Variants in COG2 observed in about 807,000 individuals in gnomAD.
COG2 encodes the protein conserved oligomeric Golgi complex subunit 2.
In COG2, 52 loss-of-function variants were observed where a neutral mutation model predicts 90.6. That is an observed-to-expected ratio of 0.57 (90% CI 0.46 to 0.72). The LOEUF is 0.72. Among genes scored for constraint, COG2 ranks in the 30% least tolerant of loss-of-function variants. The probability of loss-of-function intolerance (pLI) is 0.00; values close to 1 mark genes in which losing one functional copy is unlikely to be tolerated. For synonymous variants in COG2, 337 were observed against 320.4 expected (o/e 1.05, Z -0.55); for missense variants, 829 against 891.2 (o/e 0.93, Z 0.89).
At chr1:230,657,911 T>C (rs1488087585) in intron 1 of COG2, among the ~76,000 whole-genome samples, 1 of 152,104 alleles carries the variant, frequency 6.6e-6, no homozygotes, top group African/African-American at 2.4e-5. Flanking sequence ...GTTTTTCAGC[T>C]CCGTCAGGTC....
intron 16 of COG2, among the ~76,000 whole-genome samples, chr1:230,690,686 T>C (rs1321754305): frequency 6.6e-6 from 1 of 152,228 alleles, no homozygotes; most frequent in African/African-American, 2.4e-5. Context: ...AGTGTGTTAC[T>C]CAATTTTGTT....
At chr1:230,651,044 A>G (rs779738623) in intron 1 of COG2, among the ~76,000 whole-genome samples, 21 of 152,154 alleles carry the variant, frequency 1.4e-4, no homozygotes, top group South Asian at 6.2e-4. Context: ...CTTTCCACCT[A>G]TAGTTTATTT....
At chr1:230,674,204 C>T (rs1300882320) in intron 8 of COG2, among the ~76,000 whole-genome samples, 1 of 152,184 alleles carries the variant, frequency 6.6e-6, no homozygotes, top group Non-Finnish European at 1.5e-5. Context: ...ATCCTAAGTA[C>T]TTTACAAATA....
chr1:230,665,151 T>C (rs900312028), intron 5 of COG2, among the ~76,000 whole-genome samples: 1 of 152,306 alleles, frequency 6.6e-6, no homozygotes, highest in Middle Eastern at 3.4e-3. Flanking sequence ...AGAAAATGAA[T>C]TGAATGGATC....
At chr1:230,687,156 TC>T (rs1277528029) in intron 13 of COG2, 24 bp downstream of exon 13, 1 of 1,590,542 alleles carries the variant, frequency 6.3e-7, no homozygotes, top group East Asian at 2.2e-5. Flanking sequence ...CCAGAATAAT[TC>T]CAGGTGCTTG....
chr1:230,691,939 AC>A (rs1236852564), intron 17 of COG2: 2 of 179,388 alleles, frequency 1.1e-5, no homozygotes, highest in African/African-American at 2.4e-5. Flanking sequence ...TGAAAGCATT[AC>A]CCCTCTATGG....
chr1:230,693,389 C>G lies in COG2; in HGVS notation c.2213C>G (p.Pro738Arg). The G allele has an allele frequency of 6.2e-7, 1 of 1,601,378 alleles. No individual in the cohort carries two copies. Among genetic ancestry groups the G allele is most frequent in the Non-Finnish European group, 8.5e-7 (1 of 1,170,934 alleles). Residue 738 changes from proline to arginine, a missense_variant, in exon 18 of 18, where the codon CCT becomes CGT. By Grantham distance (103) the Pro-to-Arg change is moderately radical. Coordinates refer to ENST00000366669, the MANE Select transcript of COG2 (RefSeq NM_007357.3). ...AAGGACCAGGCAACAGCAGAGCAGC[C>G]TTAAGCATCTTGGAAGATCCCGAGG... is the stretch of plus-strand genomic sequence containing the variant. ...AAKDQATAEQ[P>R]
chr1:230,676,932 T>C (rs1662614922), intron 9 of COG2, among the ~76,000 whole-genome samples: 1 of 152,204 alleles, frequency 6.6e-6, no homozygotes, highest in South Asian at 2.1e-4. Context: ...ATCTTCTGTG[T>C]GACTTTGGTG....
At chr1:230,656,110 G>T (rs781594057) in intron 1 of COG2, among the ~76,000 whole-genome samples, 1 of 151,992 alleles carries the variant, frequency 6.6e-6, no homozygotes, top group Non-Finnish European at 1.5e-5. Context: ...ATCTCCTTCA[G>T]TTCTGCTCTG....
At chr1:230,652,532 G>A (rs770020940) in intron 1 of COG2, among the ~76,000 whole-genome samples, 3 of 152,128 alleles carry the variant, frequency 2.0e-5, no homozygotes, top group Non-Finnish European at 4.4e-5. Context: ...GCAGGTTTTT[G>A]TATGGACATA....
At chr1:230,665,295 A>G (rs1662293650) in intron 5 of COG2, among the ~76,000 whole-genome samples, 1 of 152,164 alleles carries the variant, frequency 6.6e-6, no homozygotes, top group Non-Finnish European at 1.5e-5. Context: ...TATAAGGCTA[A>G]TAGGAACTCC....
chr1:230,689,033 C>G (rs1368798849), intron 15 of COG2, among the ~76,000 whole-genome samples: 1 of 151,876 alleles, frequency 6.6e-6, no homozygotes, highest in African/African-American at 2.4e-5. Context: ...AAAACTACAA[C>G]AATAAAAAAT....
intron 15 of COG2, among the ~76,000 whole-genome samples, chr1:230,689,686 G>T (rs113040591): frequency 2.6e-5 from 4 of 152,188 alleles, no homozygotes; most frequent in Non-Finnish European, 5.9e-5. Flanking sequence ...TGAGTTTTAC[G>T]AGATCACCAG....
At chr1:230,673,392 C>G (rs1216463256) in intron 8 of COG2, among the ~76,000 whole-genome samples, 1 of 152,190 alleles carries the variant, frequency 6.6e-6, no homozygotes, top group Non-Finnish European at 1.5e-5. Context: ...CTCCCCTTGT[C>G]ACTCCTTTCT....
At chr1:230,672,441 T>G (rs1662472427) in intron 8 of COG2, among the ~76,000 whole-genome samples, 2 of 152,140 alleles carry the variant, frequency 1.3e-5, no homozygotes, top group African/African-American at 4.8e-5. Context: ...TGCTTCTGCG[T>G]TTTTCCTCTG....
intron 1 of COG2, among the ~76,000 whole-genome samples, chr1:230,643,239 A>G (rs1661672807): frequency 6.6e-6 from 1 of 152,238 alleles, no homozygotes; most frequent in Non-Finnish European, 1.5e-5. Flanking sequence ...TCTACTTTTT[A>G]CGTGATGCAT....
intron 6 of COG2, 31 bp from the exon 7 acceptor site, chr1:230,669,325 T>C (rs1662391528): frequency 6.6e-7 from 1 of 1,514,832 alleles, no homozygotes; most frequent in African/African-American, 1.4e-5. Flanking sequence ...CAACTAGAGC[T>C]TTTTTTTTAT....
At chr1:230,648,470 A>G (rs767604933) in intron 1 of COG2, among the ~76,000 whole-genome samples, 19 of 152,234 alleles carry the variant, frequency 1.2e-4, no homozygotes, top group Admixed American at 7.9e-4. Flanking sequence ...AGAATTTTCT[A>G]ATTACCCACA....
chr1:230,648,417 GTT>G (rs1177514293), intron 1 of COG2, among the ~76,000 whole-genome samples: 2 of 152,178 alleles, frequency 1.3e-5, no homozygotes, highest in Non-Finnish European at 2.9e-5. Context: ...TTTAGCTTCA[GTT>G]TGCAACACAA....
Sources: allele counts gnomAD v4.1 joint callset (sites outside exome capture counted in the v4.1 genomes callset), GRCh38; gene constraint gnomAD v4.1.1; transcripts MANE v1.5; gene names NCBI Gene and HGNC (gene_info 2026-07-23, HGNC 2026-07-21).